The following DOCK5 variants were observed in gnomAD, a reference collection of about 807,000 sequenced individuals.
DOCK5 encodes dedicator of cytokinesis protein 5.
A neutral mutation model predicts 251.8 loss-of-function variants in DOCK5; 142 were observed. That is an observed-to-expected ratio of 0.56 (90% CI 0.49 to 0.65). The LOEUF is 0.65. Ranked by LOEUF, DOCK5 falls within the 30% of genes least tolerant of loss-of-function variation. The pLI is 0.00. For missense variants in DOCK5, 2,111 were observed against 2,312.3 expected (o/e 0.91, Z 1.79); for synonymous variants, 842 against 835.5 (o/e 1.01, Z -0.13).
intron 27 of DOCK5, among the ~76,000 whole-genome samples, chr8:25,352,993 C>T (rs920416142): frequency 6.6e-6 from 1 of 152,114 alleles, no homozygotes; most frequent in Non-Finnish European, 1.5e-5. Context: ...GGAGAGGCCA[C>T]AGCCATAGCA....
At chr8:25,243,268 A>G (rs892598510) in intron 1 of DOCK5, among the ~76,000 whole-genome samples, 6 of 151,866 alleles carry the variant, frequency 4.0e-5, no homozygotes, top group Middle Eastern at 3.5e-3. Context: ...ACAGTGGGCA[A>G]TTCACATGAA....
chr8:25,234,358 T>C (rs575579385), intron 1 of DOCK5, among the ~76,000 whole-genome samples: 153 of 152,344 alleles, frequency 1.0e-3, no homozygotes, highest in Admixed American at 2.9e-3. Flanking sequence ...ATCTTAGATC[T>C]GTTCACCTTT....
At chr8:25,279,192 C>T (rs555202299) in intron 5 of DOCK5, among the ~76,000 whole-genome samples, 1 of 152,250 alleles carries the variant, frequency 6.6e-6, no homozygotes, top group Admixed American at 6.5e-5. Context: ...CTGAGAGTCA[C>T]CTTTTTGGGC....
chr8:25,369,717 C>A (rs926102915), intron 34 of DOCK5, 76 bp downstream of exon 34: 16 of 1,270,588 alleles, frequency 1.3e-5, no homozygotes, highest in Admixed American at 2.1e-5. Context: ...CCTGTTTCAC[C>A]AATAGAGCAA....
At chr8:25,256,700 A>T (rs529497928) in intron 2 of DOCK5, among the ~76,000 whole-genome samples, 1 of 151,736 alleles carries the variant, frequency 6.6e-6, no homozygotes, top group Admixed American at 6.6e-5. Flanking sequence ...AAAGGGTGAA[A>T]TTTTTTCTTA....
Position 25,332,702 on chromosome 8 carries a change from T to TA in DOCK5, c.2091+13dup. 1 of 1,597,006 alleles carries TA rather than the reference T, an allele frequency of 6.3e-7. No individual in the cohort carries two copies. Among genetic ancestry groups the TA allele is most frequent in the Non-Finnish European group, 8.5e-7 (1 of 1,170,856 alleles). On this transcript the variant is annotated intron_variant, in intron 20 of 51. Transcript: ENST00000276440. Reference sequence around the variant, plus strand: ...TGTGTTTGACGCACTGGTAAGCAGTTAAACATATTAACTAGTGTTTATTGT... The same window carrying TA: ...TGTGTTTGACGCACTGGTAAGCAGTTAAAACATATTAACTAGTGTTTATTGT...
intron 42 of DOCK5, among the ~76,000 whole-genome samples, chr8:25,390,808 C>CT (rs1188886569): frequency 8.8e-6 from 1 of 112,996 alleles, no homozygotes; most frequent in East Asian, 2.9e-4. Context: ...GTGCATACAC[C>CT]TTTTTTTTTG....
At chr8:25,278,693 C>G (rs773958462) in intron 5 of DOCK5, 28 bp downstream of exon 5, 1 of 1,606,756 alleles carries the variant, frequency 6.2e-7, no homozygotes, top group East Asian at 2.2e-5. Flanking sequence ...GCTTGGAGCC[C>G]CAGGGTCACT....
chr8:25,314,800 C>G (rs1031184325), intron 13 of DOCK5, among the ~76,000 whole-genome samples: 1 of 129,798 alleles, frequency 7.7e-6, no homozygotes, highest in Admixed American at 9.3e-5. Flanking sequence ...AAGCAAGAAG[C>G]CAGAAAGTCA....
intron 22 of DOCK5, 44 bp from the exon 23 acceptor site, chr8:25,340,833 T>C (rs781411639): frequency 1.3e-6 from 2 of 1,527,422 alleles, no homozygotes; most frequent in Non-Finnish European, 1.8e-6. Context: ...AAAATTTCTT[T>C]TAACAATGGA....
chr8:25,375,611 A>T, intron 37 of DOCK5: 1 of 868,730 alleles, frequency 1.2e-6, no homozygotes, highest in South Asian at 5.3e-5. Flanking sequence ...TGAGCACTAC[A>T]GCAGCCTCCT....
At chr8:25,341,330 T>C (rs1158327045) in intron 23 of DOCK5, among the ~76,000 whole-genome samples, 1 of 152,132 alleles carries the variant, frequency 6.6e-6, no homozygotes, top group Non-Finnish European at 1.5e-5. Context: ...TACCCAGAAG[T>C]GCAAAGTCAC....
At chr8:25,226,267 T>A (rs1802527652) in intron 1 of DOCK5, among the ~76,000 whole-genome samples, 1 of 139,344 alleles carries the variant, frequency 7.2e-6, no homozygotes, top group African/African-American at 2.7e-5. Flanking sequence ...GCTTTTTTTT[T>A]TTTTTTTTTT....
At chr8:25,314,987 G>T (rs2117190237) in intron 13 of DOCK5, among the ~76,000 whole-genome samples, 1 of 148,554 alleles carries the variant, frequency 6.7e-6, no homozygotes, top group African/African-American at 2.5e-5. Flanking sequence ...TTCCTACCTG[G>T]TTTTCATGTT....
intron 14 of DOCK5, among the ~76,000 whole-genome samples, chr8:25,317,805 G>A (rs1339460450): frequency 6.6e-6 from 1 of 152,126 alleles, no homozygotes; most frequent in Non-Finnish European, 1.5e-5. Flanking sequence ...TAGAGACGGG[G>A]TTTCACCATG....
Position 25,351,759 on chromosome 8 carries a change from T to C in DOCK5, c.2783T>C (p.Ile928Thr), listed in dbSNP as rs1800472796. ...GCCACTGCGGTGCACATTCAGCTTA[T>C]AATGGAACGGCTGCTGAGAAGGATC... ...VGATAVHIQL[I>T]MERLLRRINR... Residue 928 changes from isoleucine to threonine, a missense_variant, in exon 27 of 52, where the codon ATA becomes ACA. Ile to Thr is a moderately conservative substitution (Grantham distance 89). Transcript: ENST00000276440. 6 of 1,613,900 alleles carry C rather than the reference T, an allele frequency of 3.7e-6. No homozygotes were observed. The highest frequency in any genetic ancestry group is 5.1e-6 in the Non-Finnish European group (6 of 1,179,844).
intron 48 of DOCK5, among the ~76,000 whole-genome samples, chr8:25,404,181 A>G (rs765453518): frequency 2.0e-5 from 3 of 152,140 alleles, no homozygotes; most frequent in Non-Finnish European, 2.9e-5. Flanking sequence ...GCAGCTCTTT[A>G]TAGGTTCACA....
Position 25,373,605 on chromosome 8 carries a change from T to A in DOCK5, c.3685-13T>A. 6.3e-7 allele frequency: 1 copy of A among 1,589,054 alleles called. No individual in the cohort carries two copies. Among genetic ancestry groups the A allele is most frequent in the Non-Finnish European group, 8.6e-7 (1 of 1,166,788 alleles). ...TTATGTTGGGATTCTGTGATCCTTT[T>A]TTTTCCTGGCAGAACTTTTATAAAG... On this transcript the variant is annotated splice_polypyrimidine_tract_variant and intron_variant, in intron 35 of 51. Coordinates refer to ENST00000276440, the MANE Select transcript of DOCK5 (RefSeq NM_024940.8).
intron 40 of DOCK5, among the ~76,000 whole-genome samples, chr8:25,386,702 T>C (rs1801170262): frequency 6.6e-6 from 1 of 152,204 alleles, no homozygotes; most frequent in Admixed American, 6.5e-5. Flanking sequence ...ACCCCTGCCA[T>C]AGCCGTTACA....
Sources: gnomAD v4.1 joint callset for allele counts (sites outside exome capture counted in the v4.1 genomes callset) on GRCh38, gnomAD v4.1.1 for gene constraint, MANE v1.5 for transcripts, NCBI Gene and HGNC (gene_info 2026-07-23, HGNC 2026-07-21) for gene names.